The following CACNA2D1 variants were observed in gnomAD, a reference collection of about 807,000 sequenced individuals.
CACNA2D1 encodes the protein voltage-dependent calcium channel subunit alpha-2/delta-1.
A neutral mutation model predicts 171.5 loss-of-function variants in CACNA2D1; 53 were observed. That is an observed-to-expected ratio of 0.31 (90% CI 0.25 to 0.39). The LOEUF is 0.39. Among genes scored for constraint, CACNA2D1 ranks in the 10% least tolerant of loss-of-function variants. CACNA2D1 has a pLI of 1.00. For synonymous variants in CACNA2D1, 442 were observed against 443.1 expected (o/e 1.00, Z 0.03); for missense variants, 903 against 1,299.8 (o/e 0.69, Z 4.69).
Position 82,242,589 on chromosome 7 carries a change from G to T in CACNA2D1, c.295-71980C>A, listed in dbSNP as rs183058570. 8.5e-5 allele frequency among the ~76,000 whole-genome samples: 13 copies of T among 152,164 alleles called. No individual in the cohort carries two copies. The East Asian group carries it at 2.5e-3, about 29-fold the overall frequency. ...CTTTTTCTTGCTCATATGCTAACCG[G>T]CATTCAGTCTTTTATAGCAGTAATC... On this transcript the variant is annotated intron_variant, in intron 3 of 38. Transcript: ENST00000356860.
chr7:82,290,863 T>C (rs1354411688), intron 3 of CACNA2D1, among the ~76,000 whole-genome samples: 5 of 151,780 alleles, frequency 3.3e-5, no homozygotes, highest in African/African-American at 1.2e-4. Flanking sequence ...CCCAAAGTGC[T>C]GGGATTTCAG....
intron 9 of CACNA2D1, among the ~76,000 whole-genome samples, chr7:82,062,534 T>C (rs929231760): frequency 1.3e-5 from 2 of 152,066 alleles, no homozygotes; most frequent in African/African-American, 4.8e-5. Flanking sequence ...CAATTATTTT[T>C]GTTATTTGTT....
chr7:82,052,191 T>C (rs895988708), intron 10 of CACNA2D1, among the ~76,000 whole-genome samples: 1 of 152,154 alleles, frequency 6.6e-6, no homozygotes, highest in African/African-American at 2.4e-5. Context: ...TAAAGAGAAA[T>C]GCATGAGGTC....
chr7:82,114,717 C>G, intron 6 of CACNA2D1, among the ~76,000 whole-genome samples: 1 of 144,550 alleles, frequency 6.9e-6, no homozygotes, highest in Non-Finnish European at 1.5e-5. Flanking sequence ...GATTGTACCA[C>G]TACACTTCAG....
At chr7:82,023,797 G>A (rs986357261) in intron 12 of CACNA2D1, 1 of 151,644 alleles carries the variant, frequency 6.6e-6, no homozygotes, top group African/African-American at 2.4e-5. Context: ...GAAACTTTAT[G>A]TCCACTGATT....
intron 6 of CACNA2D1, among the ~76,000 whole-genome samples, chr7:82,110,777 T>G (rs977172817): frequency 6.6e-6 from 1 of 152,186 alleles, no homozygotes; most frequent in Admixed American, 6.5e-5. Context: ...AATTACAAAA[T>G]TGCCTTAGCC....
rs770060118 is a variant in CACNA2D1, at chr7:82,038,046, A to G, written c.1038+31T>C. On this transcript the variant is annotated intron_variant, in intron 11 of 38. Transcript: ENST00000356860. ...ATTCAGATACTACAATTGAACAACA[A>G]CAACAACAAAAGACATAGCATGATA... 1.9e-6 allele frequency: 3 copies of G among 1,608,100 alleles called. No individual in the cohort carries two copies. In the South Asian group the frequency reaches 3.3e-5, roughly 18 times the overall value.
chr7:82,012,873 T>C (rs1799966614), intron 14 of CACNA2D1, among the ~76,000 whole-genome samples: 1 of 152,134 alleles, frequency 6.6e-6, no homozygotes, highest in Non-Finnish European at 1.5e-5. Context: ...GCAATTTTCA[T>C]AGTAATTTAT....
chr7:82,118,736 A>T (rs1269587353), intron 5 of CACNA2D1, among the ~76,000 whole-genome samples: 73 of 152,202 alleles, frequency 4.8e-4, no homozygotes, highest in African/African-American at 1.7e-3. Flanking sequence ...AAATAACCAT[A>T]TAAATGGCTT....
chr7:82,426,709 C>T (rs542509466), intron 1 of CACNA2D1, among the ~76,000 whole-genome samples: 7 of 152,264 alleles, frequency 4.6e-5, no homozygotes, highest in Admixed American at 2.6e-4. Flanking sequence ...TTTCACAGAA[C>T]TAAAATCATC....
rs927553581 is a variant in CACNA2D1 at position 82,016,609 on chromosome 7, C to T, written c.1144-2130G>A. Among the ~76,000 whole-genome samples, 33 of 7,088 alleles carry T rather than the reference C, an allele frequency of 4.7e-3. 1 individual carries two copies. The East Asian group carries it at 0.18, about 38-fold the overall frequency. 4.7% of individuals were successfully genotyped at this position (7,088 alleles called of 152,430 possible). On this transcript the variant is annotated intron_variant, in intron 12 of 38. Transcript: ENST00000356860. The stretch of plus-strand genomic sequence containing the variant: ...ATAGTCCAAATAAACACTAGCCGCC[C>T]GCCCCCCCCCCCCAAAAAAAAAGCT...
chr7:81,998,528 A>T (rs994107715), intron 18 of CACNA2D1, among the ~76,000 whole-genome samples: 2 of 152,058 alleles, frequency 1.3e-5, no homozygotes, highest in Non-Finnish European at 2.9e-5. Context: ...ACTGACAAAA[A>T]TGCCTTCCTT....
intron 6 of CACNA2D1, among the ~76,000 whole-genome samples, chr7:82,093,606 T>A (rs2129022606): frequency 1.3e-5 from 2 of 152,232 alleles, no homozygotes; most frequent in South Asian, 2.1e-4. Flanking sequence ...AATGGCAAAC[T>A]GAAAAAAGAT....
intron 3 of CACNA2D1, among the ~76,000 whole-genome samples, chr7:82,192,017 TCA>T (rs964332021): frequency 4.6e-5 from 7 of 151,518 alleles, no homozygotes; most frequent in African/African-American, 1.7e-4. Flanking sequence ...AGTTGTATTT[TCA>T]CAAATTCATG....
intron 4 of CACNA2D1, among the ~76,000 whole-genome samples, chr7:82,169,990 A>C (rs796648151): frequency 2.5e-4 from 38 of 152,066 alleles, no homozygotes; most frequent in African/African-American, 8.9e-4. Flanking sequence ...ATTAAGAAAA[A>C]AAAAACATGC....
chr7:82,289,533 ATAAT>A (rs1366411358), intron 3 of CACNA2D1, among the ~76,000 whole-genome samples: 1 of 152,258 alleles, frequency 6.6e-6, no homozygotes, highest in Non-Finnish European at 1.5e-5. Context: ...AACCAACTAC[ATAAT>A]TAATTTCTAA....
chr7:82,057,746 G>A (rs1350669938), intron 10 of CACNA2D1, among the ~76,000 whole-genome samples: 1 of 152,098 alleles, frequency 6.6e-6, no homozygotes. Context: ...CAGAAACCAT[G>A]GATTCATAGG....
intron 2 of CACNA2D1, among the ~76,000 whole-genome samples, chr7:82,348,927 C>T (rs974567349): frequency 6.6e-6 from 1 of 152,094 alleles, no homozygotes; most frequent in Non-Finnish European, 1.5e-5. Context: ...CATGTAAATG[C>T]TCTTACCCAT....
rs1478090551 is a variant in CACNA2D1, at chr7:82,036,566, C to T, written c.1038+1511G>A. 4.6e-5 allele frequency among the ~76,000 whole-genome samples: 7 copies of T among 152,138 alleles called. No individual in the cohort carries two copies. The East Asian group carries it at 1.3e-3, about 29-fold the overall frequency. On this transcript the variant is annotated intron_variant, in intron 11 of 38. Coordinates refer to ENST00000356860, the MANE Select transcript of CACNA2D1 (RefSeq NM_000722.4). The stretch of plus-strand genomic sequence containing the variant: ...GCTGGGCCCATCCTCTGTGCTGTCC[C>T]AGGGAACACGCTAAATATCCTGTAA...
Sources: gnomAD v4.1 joint callset for allele counts (sites outside exome capture counted in the v4.1 genomes callset) on GRCh38, gnomAD v4.1.1 for gene constraint, MANE v1.5 for transcripts, NCBI Gene and HGNC (gene_info 2026-07-23, HGNC 2026-07-21) for gene names.